DIP2C: variants seen among roughly 807,000 people sequenced by gnomAD.
DIP2C encodes DIP2 acetate--CoA ligase C (putative), also known as disco-interacting protein 2 homolog C.
DIP2C carries 33 observed loss-of-function variants against 192.4 expected under a neutral mutation model. The ratio of observed to expected loss-of-function variants is 0.17; its 90% CI spans 0.13 to 0.23. The LOEUF (loss-of-function observed/expected upper bound fraction) is 0.23. DIP2C is among the 10% of genes least tolerant of loss of function. DIP2C has a pLI of 1.00. For synonymous variants in DIP2C, 979 were observed against 864.1 expected, an observed-to-expected ratio of 1.13 and a Z score of -2.33; for missense variants, 1,537 against 2,110.1, an observed-to-expected ratio of 0.73 and a Z score of 5.32.
At chr10:344,605 T>C (rs545240988) in intron 28 of DIP2C, among the ~76,000 whole-genome samples, 88 of 152,318 alleles carry the variant, frequency 5.8e-4, no homozygotes, top group Non-Finnish European at 5.1e-4. Context: ...AAAACATACT[T>C]GGGGCATTTG....
chr10:464,846 G>C (rs1970080609), intron 3 of DIP2C, among the ~76,000 whole-genome samples: 1 of 151,788 alleles, frequency 6.6e-6, no homozygotes. Flanking sequence ...GGAAGAAGTT[G>C]AATCTCTGAA....
At chr10:483,370 C>T (rs1479321515) in intron 2 of DIP2C, among the ~76,000 whole-genome samples, 4 of 152,062 alleles carry the variant, frequency 2.6e-5, no homozygotes, top group East Asian at 1.9e-4. Flanking sequence ...AAAGCAGCCT[C>T]GGCTTTGGAA....
chr10:688,819 GGCCGGAGCCC>G (rs1564343286), intron 1 of DIP2C, among the ~76,000 whole-genome samples: 1 of 152,270 alleles, frequency 6.6e-6, no homozygotes, highest in African/African-American at 2.4e-5. Context: ...AGGACGGCAA[GGCCGGAGCCC>G]GGCCCGGGGG....
At chr10:546,009 G>C (rs906029082) in intron 1 of DIP2C, among the ~76,000 whole-genome samples, 1 of 152,132 alleles carries the variant, frequency 6.6e-6, no homozygotes, top group African/African-American at 2.4e-5. Context: ...GGGCATGGTG[G>C]GCTTATGCCT....
intron 6 of DIP2C, 27 bp downstream of exon 6, chr10:419,038 A>T: frequency 6.2e-7 from 1 of 1,614,128 alleles, no homozygotes; most frequent in Non-Finnish European, 8.5e-7. Context: ...TTACCAGAAA[A>T]AAACGCATCT....
chr10:338,664 C>T (rs181044582), intron 29 of DIP2C, among the ~76,000 whole-genome samples: 3 of 152,286 alleles, frequency 2.0e-5, no homozygotes, highest in Admixed American at 1.3e-4. Flanking sequence ...CCATGACTAA[C>T]GCCTGGCCGC....
chr10:336,924 TGGAGGCCTAGACTG>T (rs1957807993), intron 29 of DIP2C, among the ~76,000 whole-genome samples: 1 of 32,660 alleles, frequency 3.1e-5, no homozygotes, highest in Non-Finnish European at 9.0e-5. Flanking sequence ...GTGTGTGTTG[TGGAGGCCTAGACTG>T]GTGTGTGCGC....
intron 17 of DIP2C, among the ~76,000 whole-genome samples, chr10:380,833 T>TC (rs141444104): frequency 2.0e-3 from 306 of 152,312 alleles, no homozygotes; most frequent in African/African-American, 6.5e-3. Flanking sequence ...CTCTGACCAC[T>TC]CCTACATGGG....
intron 4 of DIP2C, among the ~76,000 whole-genome samples, chr10:426,116 G>A (rs1387888406): frequency 1.3e-5 from 2 of 152,130 alleles, no homozygotes; most frequent in Admixed American, 6.6e-5. Context: ...TGTAGAAAAC[G>A]GCAAGAAGTC....
intron 4 of DIP2C, chr10:437,982 C>T (rs1967405043): frequency 6.6e-6 from 1 of 152,132 alleles, no homozygotes; most frequent in African/African-American, 2.4e-5. Context: ...TACTGCTAAG[C>T]ACAAAATAGC....
intron 3 of DIP2C, among the ~76,000 whole-genome samples, chr10:458,215 C>G (rs1041249925): frequency 5.3e-5 from 8 of 152,176 alleles, no homozygotes; most frequent in Middle Eastern, 3.2e-3. Context: ...GCCGCCTTCT[C>G]TCCTAGCATC....
chr10:610,815 G>A (rs1279053549), intron 1 of DIP2C, among the ~76,000 whole-genome samples: 4 of 128,390 alleles, frequency 3.1e-5, no homozygotes, highest in African/African-American at 9.1e-5. Flanking sequence ...GGTTTCTAAC[G>A]CCCCAGTGTT....
intron 1 of DIP2C, among the ~76,000 whole-genome samples, chr10:560,894 A>G (rs961312645): frequency 1.3e-5 from 2 of 152,046 alleles, no homozygotes; most frequent in African/African-American, 4.8e-5. Context: ...AACATTCACA[A>G]TCTATTCTCT....
intron 1 of DIP2C, among the ~76,000 whole-genome samples, chr10:563,307 T>A (rs1849309722): frequency 6.6e-6 from 1 of 152,248 alleles, no homozygotes; most frequent in African/African-American, 2.4e-5. Flanking sequence ...AAGCAGCACG[T>A]ATTTTTATGT....
intron 18 of DIP2C, among the ~76,000 whole-genome samples, chr10:368,197 G>T (rs989204714): frequency 7.2e-6 from 1 of 138,810 alleles, no homozygotes; most frequent in Admixed American, 7.1e-5. Context: ...AGCCCCAGGT[G>T]CCTCCGACGG....
chr10:377,287 C>A (rs941331151), intron 17 of DIP2C, among the ~76,000 whole-genome samples: 1 of 152,184 alleles, frequency 6.6e-6, no homozygotes, highest in African/African-American at 2.4e-5. Context: ...AGGTTATGGG[C>A]TGGAACTGGG....
rs1328665763 is a variant in DIP2C at position 326,995 on chromosome 10, C to G, written c.3924+11G>C. The G allele has an allele frequency of 2.5e-6, 4 of 1,607,248 alleles. No homozygotes were observed. In the South Asian group the frequency reaches 4.5e-5, roughly 18 times the overall value. On this transcript the variant is annotated intron_variant, in intron 31 of 36. Coordinates refer to ENST00000280886, the MANE Select transcript of DIP2C (RefSeq NM_014974.3). ...CTTCCCACTCAGCACTGTGATGTCG[C>G]CGAATCTCACCTGCAAGCAAATCGC...
intron 1 of DIP2C, among the ~76,000 whole-genome samples, chr10:543,181 A>C (rs1419977726): frequency 1.3e-5 from 2 of 152,238 alleles, no homozygotes; most frequent in African/African-American, 4.8e-5. Context: ...CGTGTTCCTG[A>C]ATCTTCTGCG....
chr10:441,010 A>C lies in DIP2C; in HGVS notation c.269-14T>G, dbSNP rs1564715791. On this transcript the variant is annotated splice_polypyrimidine_tract_variant and intron_variant, in intron 3 of 36. Transcript: ENST00000280886. ...CCGTGTGGACGTCTGAAACGGAGAG[A>C]GCTCAGTCACTCAGTGCTCAGCTGA... 3 of 1,609,218 alleles carry C rather than the reference A, an allele frequency of 1.9e-6. No homozygotes were observed. The highest frequency in any genetic ancestry group is 2.5e-6 in the Non-Finnish European group (3 of 1,178,736).
Sources: gnomAD v4.1 joint callset for allele counts (sites outside exome capture counted in the v4.1 genomes callset) on GRCh38, gnomAD v4.1.1 for gene constraint, MANE v1.5 for transcripts, NCBI Gene and HGNC (gene_info 2026-07-23, HGNC 2026-07-21) for gene names.